The following CNTN6 variants were observed in gnomAD, a reference collection of about 807,000 sequenced individuals.
CNTN6 encodes the protein contactin-6.
A neutral mutation model predicts 122.8 loss-of-function variants in CNTN6; 137 were observed. That is an observed-to-expected ratio of 1.12 (90% confidence interval 0.97 to 1.29). The LOEUF is 1.29. Ranked by LOEUF, CNTN6 falls within the 50% of genes most tolerant of loss-of-function variation. The pLI, the probability that CNTN6 is intolerant of heterozygous loss-of-function variation, is 0.00. For synonymous variants in CNTN6, 570 were observed against 426.0 expected, an observed-to-expected ratio of 1.34 and a Z score of -4.16; for missense variants, 1,634 against 1,223.4, an observed-to-expected ratio of 1.34 and a Z score of -5.01.
At chr3:1,121,051 T>C (rs965004258) in intron 1 of CNTN6, among the ~76,000 whole-genome samples, 4 of 152,204 alleles carry the variant, frequency 2.6e-5, no homozygotes, top group African/African-American at 9.6e-5. Context: ...ACATACTACA[T>C]AATGATCATT....
At chr3:1,317,242 TC>T (rs201237390) in intron 7 of CNTN6, among the ~76,000 whole-genome samples, 3 of 151,674 alleles carry the variant, frequency 2.0e-5, no homozygotes, top group South Asian at 2.1e-4. Context: ...TGTTGTTTTT[TC>T]TTGCTGTGAG....
intron 2 of CNTN6, among the ~76,000 whole-genome samples, chr3:1,209,465 GAC>G (rs2094003046): frequency 6.6e-6 from 1 of 152,278 alleles, no homozygotes; most frequent in South Asian, 2.1e-4. Flanking sequence ...CCAGTCCTTA[GAC>G]ACAGTCTAGC....
chr3:1,149,701 G>A (rs970760809), intron 2 of CNTN6, among the ~76,000 whole-genome samples: 1 of 152,056 alleles, frequency 6.6e-6, no homozygotes, highest in African/African-American at 2.4e-5. Context: ...TTTGGTAATA[G>A]ATTAAGAAAA....
intron 4 of CNTN6, among the ~76,000 whole-genome samples, chr3:1,265,276 C>T (rs1282953295): frequency 6.6e-6 from 1 of 152,100 alleles, no homozygotes; most frequent in East Asian, 1.9e-4. Context: ...TCAGCTAGCA[C>T]TCTCTGCCTC....
At chr3:1,312,820 T>A (rs1040770268) in intron 7 of CNTN6, among the ~76,000 whole-genome samples, 2 of 151,846 alleles carry the variant, frequency 1.3e-5, no homozygotes, top group Non-Finnish European at 2.9e-5. Flanking sequence ...TCCTTTTTTT[T>A]TTTTTTTTAA....
intron 5 of CNTN6, among the ~76,000 whole-genome samples, chr3:1,278,950 A>C (rs1468476617): frequency 5.3e-5 from 8 of 152,228 alleles, no homozygotes; most frequent in Non-Finnish European, 1.2e-4. Context: ...ATGTAAATTG[A>C]GTAGTGTAAT....
intron 6 of CNTN6, among the ~76,000 whole-genome samples, chr3:1,297,120 G>T (rs1431563386): frequency 6.6e-6 from 1 of 151,980 alleles, no homozygotes; most frequent in Non-Finnish European, 1.5e-5. Context: ...TGTTTATAAT[G>T]ATCAAGTCTT....
intron 7 of CNTN6, among the ~76,000 whole-genome samples, chr3:1,305,314 T>A (rs409105): frequency 6.6e-6 from 1 of 152,280 alleles, no homozygotes; most frequent in Non-Finnish European, 1.5e-5. Context: ...ATAGAATAAT[T>A]AAGACAAAGC....
chr3:1,222,050 A>T (rs1048827151), intron 3 of CNTN6, among the ~76,000 whole-genome samples: 3 of 152,206 alleles, frequency 2.0e-5, no homozygotes, highest in Non-Finnish European at 2.9e-5. Flanking sequence ...GCTAAAGGCA[A>T]TTCTACCTTA....
intron 4 of CNTN6, among the ~76,000 whole-genome samples, chr3:1,273,394 AAT>A (rs1294651611): frequency 6.6e-6 from 1 of 152,240 alleles, no homozygotes; most frequent in Non-Finnish European, 1.5e-5. Context: ...TAGAAGAATA[AAT>A]CTAGAGTTTT....
chr3:1,253,496 A>G (rs1310894427), intron 4 of CNTN6, among the ~76,000 whole-genome samples: 1 of 152,190 alleles, frequency 6.6e-6, no homozygotes, highest in Non-Finnish European at 1.5e-5. Flanking sequence ...AATTACATAT[A>G]AATTGGTTAA....
At chr3:1,292,808 G>A (rs897384436) in intron 5 of CNTN6, among the ~76,000 whole-genome samples, 2 of 152,038 alleles carry the variant, frequency 1.3e-5, no homozygotes, top group African/African-American at 2.4e-5. Context: ...ATTACAAAGA[G>A]AGTAAAAGCC....
At chr3:1,334,148 C>T (rs1057415598) in intron 11 of CNTN6, among the ~76,000 whole-genome samples, 7 of 152,226 alleles carry the variant, frequency 4.6e-5, no homozygotes, top group South Asian at 4.1e-4. Flanking sequence ...TTACAGAGTC[C>T]GAAGACTGCC....
intron 11 of CNTN6, among the ~76,000 whole-genome samples, chr3:1,336,445 T>C (rs1703078358): frequency 6.6e-6 from 1 of 152,110 alleles, no homozygotes; most frequent in African/African-American, 2.4e-5. Context: ...TCAAACTGAC[T>C]CAATTACAGA....
At chr3:1,272,643 G>A (rs1299646300) in intron 4 of CNTN6, among the ~76,000 whole-genome samples, 2 of 151,982 alleles carry the variant, frequency 1.3e-5, no homozygotes, top group African/African-American at 2.4e-5. Flanking sequence ...CAGCTTTTCA[G>A]GTGCTGTCTT....
At chr3:1,246,377 A>T (rs1414923470) in intron 4 of CNTN6, among the ~76,000 whole-genome samples, 1 of 152,132 alleles carries the variant, frequency 6.6e-6, no homozygotes, top group Admixed American at 6.5e-5. Context: ...AGGTAGCTGT[A>T]GTTCATTTTT....
At chr3:1,379,458 A>G (rs966121967) in intron 17 of CNTN6, among the ~76,000 whole-genome samples, 3 of 152,118 alleles carry the variant, frequency 2.0e-5, no homozygotes, top group African/African-American at 4.8e-5. Context: ...AACTAGCTAT[A>G]TTAATGGGTA....
intron 4 of CNTN6, among the ~76,000 whole-genome samples, chr3:1,257,363 A>T (rs565309818): frequency 1.3e-5 from 2 of 152,178 alleles, no homozygotes; most frequent in East Asian, 3.9e-4. Flanking sequence ...TTGTAATTCA[A>T]TTTCTCTCTC....
intron 1 of CNTN6, among the ~76,000 whole-genome samples, chr3:1,106,431 G>C (rs2091225069): frequency 6.6e-6 from 1 of 151,996 alleles, no homozygotes; most frequent in Admixed American, 6.6e-5. Context: ...TTGCCAAAGA[G>C]AGTTTTTGGA....
Sources: gnomAD v4.1 joint callset for allele counts (sites outside exome capture counted in the v4.1 genomes callset) on GRCh38, gnomAD v4.1.1 for gene constraint, MANE v1.5 for transcripts, NCBI Gene and HGNC (gene_info 2026-07-23, HGNC 2026-07-21) for gene names.